SP100: variants seen among roughly 807,000 people sequenced by gnomAD.
SP100 encodes the protein SP100 nuclear body protein, also known as nuclear autoantigen Sp-100.
SP100 carries 84 observed loss-of-function variants against 130.0 expected under a neutral mutation model. That is an observed-to-expected ratio of 0.65 (90% CI 0.54 to 0.77). The LOEUF (loss-of-function observed/expected upper bound fraction) is 0.77, where lower values mean the gene tolerates loss of function less well. Among genes scored for constraint, SP100 ranks in the 30% least tolerant of loss-of-function variants. The pLI, the probability that SP100 is intolerant of heterozygous loss-of-function variation, is 0.00. For missense variants in SP100, 978 were observed against 1,052.2 expected (o/e 0.93, Z 0.97); for synonymous variants, 331 against 351.7 (o/e 0.94, Z 0.66).
At chr2:230,426,100 CT>C (rs2062923998) in intron 2 of SP100, among the ~76,000 whole-genome samples, 1 of 152,088 alleles carries the variant, frequency 6.6e-6, no homozygotes, top group African/African-American at 2.4e-5. Flanking sequence ...AATGTTTCCT[CT>C]GTCATTTATA....
intron 18 of SP100, among the ~76,000 whole-genome samples, chr2:230,498,153 T>C (rs899583528): frequency 2.6e-5 from 4 of 152,228 alleles, no homozygotes; most frequent in African/African-American, 9.6e-5. Flanking sequence ...ACTTAAGTCT[T>C]AGCCCTCATT....
At chr2:230,450,106 A>G (rs1457511845) in intron 7 of SP100, 66 bp from the exon 8 acceptor site, 2 of 1,170,788 alleles carry the variant, frequency 1.7e-6, no homozygotes, top group Non-Finnish European at 2.5e-6. Context: ...GGTGAGGTCT[A>G]ACCAAATGGA....
At chr2:230,416,440 A>G in intron 1 of SP100, 112 bp downstream of exon 1, 1 of 896,564 alleles carries the variant, frequency 1.1e-6, no homozygotes, top group Non-Finnish European at 1.7e-6. Flanking sequence ...TTGCAAGAAC[A>G]TAGGTATGCG....
chr2:230,422,754 G>T (rs568123609), intron 2 of SP100, among the ~76,000 whole-genome samples: 2 of 152,264 alleles, frequency 1.3e-5, no homozygotes, highest in South Asian at 4.1e-4. Flanking sequence ...AACCTGCCAG[G>T]CTTAACCAAA....
intron 19 of SP100, among the ~76,000 whole-genome samples, chr2:230,501,222 A>C (rs1176203481): frequency 6.6e-6 from 1 of 152,202 alleles, no homozygotes; most frequent in Admixed American, 6.5e-5. Flanking sequence ...CAGCCTGAGC[A>C]ACAGAGCAAG....
intron 24 of SP100, 155 bp from the exon 25 acceptor site, chr2:230,539,112 C>T (rs1243109566): frequency 4.0e-6 from 2 of 498,652 alleles, no homozygotes; most frequent in South Asian, 3.0e-5. Flanking sequence ...TGAACTTTGC[C>T]GCAGACCAAA....
At chr2:230,533,145 T>A (rs1691783543) in intron 24 of SP100, among the ~76,000 whole-genome samples, 1 of 152,236 alleles carries the variant, frequency 6.6e-6, no homozygotes, top group Non-Finnish European at 1.5e-5. Flanking sequence ...ATTTTGTCCC[T>A]GTTTTGTTGC....
In SP100 at chr2:230,458,428, G is replaced by C. The variant is rs376302343; in HGVS notation, c.821-2834G>C. On this transcript the variant is annotated intron_variant, in intron 8 of 28. Transcript: ENST00000340126. ...AGGAGGGGTTGGCCTTGCTGTCTGA[G>C]GGGTGGCAGAGGTGGAAGAAAATCT... Among the ~76,000 whole-genome samples the C allele has an allele frequency of 1.1e-4, 17 of 152,318 alleles. No homozygotes were observed. The East Asian group carries it at 1.2e-3, about 10-fold the overall frequency.
chr2:230,453,254 T>A (rs2064107047), intron 8 of SP100, among the ~76,000 whole-genome samples: 1 of 152,192 alleles, frequency 6.6e-6, no homozygotes, highest in South Asian at 2.1e-4. Flanking sequence ...GAGAACAGCA[T>A]TGAGGTAACT....
chr2:230,528,291 A>G (rs1691526033), intron 24 of SP100, among the ~76,000 whole-genome samples: 1 of 152,232 alleles, frequency 6.6e-6, no homozygotes, highest in Non-Finnish European at 1.5e-5. Context: ...AAACTGCACA[A>G]CTACATGGAA....
intron 2 of SP100, among the ~76,000 whole-genome samples, chr2:230,430,519 T>C (rs1003823559): frequency 2.0e-5 from 3 of 152,232 alleles, no homozygotes; most frequent in Non-Finnish European, 4.4e-5. Context: ...CCACAGAATA[T>C]GCCCCTCCCT....
At chr2:230,453,895 T>C (rs13406769) in intron 8 of SP100, among the ~76,000 whole-genome samples, 21,119 of 152,252 alleles carry the variant, frequency 0.14, 1,722 homozygotes, top group African/African-American at 0.22. Context: ...AAATATTTGG[T>C]AGAATTCAAC....
chr2:230,418,595 CTT>C (rs71691832), intron 2 of SP100, among the ~76,000 whole-genome samples: 13 of 147,028 alleles, frequency 8.8e-5, no homozygotes, highest in Non-Finnish European at 9.0e-5. Context: ...AACTTTTTTT[CTT>C]TTTTTTTTTA....
At chr2:230,445,747 T>C (rs747626415) in intron 4 of SP100, among the ~76,000 whole-genome samples, 3 of 152,194 alleles carry the variant, frequency 2.0e-5, no homozygotes, top group Non-Finnish European at 2.9e-5. Flanking sequence ...TGGTGCTACC[T>C]TTACTGCCCA....
In SP100 at chr2:230,449,144, C is replaced by T. The variant is rs897277068; in HGVS notation, c.580C>T (p.His194Tyr). Residue 194 changes from histidine (H) to tyrosine (Y), a missense_variant, in exon 6 of 29, where the codon CAT (histidine) becomes TAT (tyrosine). His to Tyr is a moderately conservative substitution (Grantham distance 83, BLOSUM62 2). Coordinates refer to ENST00000340126, the MANE Select transcript of SP100 (RefSeq NM_001080391.2). ...TTGGCCACCTTCGGGTTCCCCATCTCATGCTGGTTTGTTCCTGTTTACTAC... is the reference window on the plus strand; with the variant it reads ...TTGGCCACCTTCGGGTTCCCCATCTTATGCTGGTTTGTTCCTGTTTACTAC... ...LTWPPSGSPS[H>Y]AGTTPPENGL... 2 of 1,613,962 alleles carry T rather than the reference C, an allele frequency of 1.2e-6. No individual in the cohort carries two copies. Among genetic ancestry groups the T allele is most frequent in the Admixed American group, 1.7e-5 (1 of 60,012 alleles).
In SP100 at chr2:230,442,969, G is replaced by A; in HGVS notation, c.140G>A (p.Arg47Lys). ...ACGGAAGACCAGGGTGTAGATGACA[G>A]GCTGCTCTATGACATTGTATTCAAG... ...MFTEDQGVDD[R>K]LLYDIVFKHF... Residue 47 changes from arginine (R) to lysine (K), a missense_variant, in exon 3 of 29, where the codon AGG becomes AAG. Physicochemically the swap from Arg to Lys is conservative, Grantham distance 26 (BLOSUM62 2). Coordinates refer to ENST00000340126, the MANE Select transcript of SP100 (RefSeq NM_001080391.2). 1 of 1,613,920 alleles carries A rather than the reference G, an allele frequency of 6.2e-7. No homozygotes were observed. The highest frequency in any genetic ancestry group is 8.5e-7 in the Non-Finnish European group (1 of 1,179,878).
Position 230,464,052 on chromosome 2 carries a change from C to T in SP100, c.1058-15C>T, listed in dbSNP as rs2149973108. 6.4e-7 allele frequency: 1 copy of T among 1,560,436 alleles called. No individual in the cohort carries two copies. The highest frequency in any genetic ancestry group is 8.8e-7 in the Non-Finnish European group (1 of 1,131,700). On this transcript the variant is annotated splice_polypyrimidine_tract_variant and intron_variant, in intron 10 of 28. Coordinates refer to ENST00000340126, the MANE Select transcript of SP100 (RefSeq NM_001080391.2). ...ACACACTGAGACCTCTAAAGAATCC[C>T]ATTCTTTTGTGCAGTGATCAATAAT...
At chr2:230,435,931 G>A (rs1194090701) in intron 2 of SP100, among the ~76,000 whole-genome samples, 1 of 148,616 alleles carries the variant, frequency 6.7e-6, no homozygotes, top group Non-Finnish European at 1.5e-5. Flanking sequence ...CCATAAAAAA[G>A]GAATGAGATC....
intron 2 of SP100, among the ~76,000 whole-genome samples, chr2:230,433,806 A>T (rs2063168158): frequency 6.6e-6 from 1 of 151,280 alleles, no homozygotes; most frequent in Non-Finnish European, 1.5e-5. Flanking sequence ...GTTGAATATT[A>T]TTCATAACTT....
Sources: gnomAD v4.1 joint callset for allele counts (sites outside exome capture counted in the v4.1 genomes callset) on GRCh38, gnomAD v4.1.1 for gene constraint, MANE v1.5 for transcripts, NCBI Gene and HGNC (gene_info 2026-07-23, HGNC 2026-07-21) for gene names.